FGF10: variants seen among roughly 807,000 people sequenced by gnomAD.
The protein encoded by FGF10 is FGF-10.
In FGF10, 2 loss-of-function variants were observed where a neutral mutation model predicts 19.8. The ratio of observed to expected loss-of-function variants is 0.10; its 90% confidence interval spans 0.04 to 0.32. FGF10 has a LOEUF of 0.32. Ranked by LOEUF, FGF10 falls within the 10% of genes least tolerant of loss-of-function variation. The pLI is 1.00. For missense variants in FGF10, 191 were observed against 246.3 expected, an observed-to-expected ratio of 0.78 and a Z score of 1.50; for synonymous variants, 112 against 94.0, an observed-to-expected ratio of 1.19 and a Z score of -1.10.
At chr5:44,369,890 A>G (rs1440796613) in intron 1 of FGF10, among the ~76,000 whole-genome samples, 2 of 152,116 alleles carry the variant, frequency 1.3e-5, no homozygotes, top group East Asian at 1.9e-4. Flanking sequence ...AATTTTTCAG[A>G]TTATCTCAAG....
chr5:44,362,211 T>C (rs1352087210), intron 1 of FGF10, among the ~76,000 whole-genome samples: 2 of 151,698 alleles, frequency 1.3e-5, no homozygotes, highest in Admixed American at 6.6e-5. Context: ...CATCATCTGC[T>C]CCATGATGTG....
intron 1 of FGF10, among the ~76,000 whole-genome samples, chr5:44,318,226 G>A (rs1253514001): frequency 6.6e-6 from 1 of 152,138 alleles, no homozygotes; most frequent in Non-Finnish European, 1.5e-5. Context: ...AAGCCTGAAC[G>A]ATTACGTTAG....
At chr5:44,351,976 T>C (rs538563597) in intron 1 of FGF10, among the ~76,000 whole-genome samples, 2 of 151,638 alleles carry the variant, frequency 1.3e-5, no homozygotes, top group African/African-American at 4.8e-5. Flanking sequence ...CTAATTTTAA[T>C]ACTACTAACT....
chr5:44,305,724 AG>A (rs931175610), intron 2 of FGF10, among the ~76,000 whole-genome samples: 2 of 152,092 alleles, frequency 1.3e-5, no homozygotes, highest in Admixed American at 6.6e-5. Context: ...CATAACCAAA[AG>A]GGGGGGATGT....
intron 1 of FGF10, among the ~76,000 whole-genome samples, chr5:44,324,027 A>G (rs993812635): frequency 6.6e-6 from 1 of 152,126 alleles, no homozygotes; most frequent in African/African-American, 2.4e-5. Flanking sequence ...ATCTACACAC[A>G]AACAAGTGTT....
chr5:44,328,223 T>C (rs13185276), intron 1 of FGF10, among the ~76,000 whole-genome samples: 85,794 of 152,028 alleles, frequency 0.56, 25,459 homozygotes, highest in Non-Finnish European at 0.67. Flanking sequence ...AACAACGTAA[T>C]CGCATTGGAA....
At chr5:44,350,702 T>A (rs925099764) in intron 1 of FGF10, among the ~76,000 whole-genome samples, 5 of 151,118 alleles carry the variant, frequency 3.3e-5, no homozygotes, top group Admixed American at 1.3e-4. Context: ...CAAATTTTTT[T>A]AAATAAAAAT....
chr5:44,312,482 G>A (rs562664415), intron 1 of FGF10, among the ~76,000 whole-genome samples: 4 of 152,020 alleles, frequency 2.6e-5, no homozygotes, highest in Non-Finnish European at 2.9e-5. Flanking sequence ...TTCCTACAAG[G>A]GAACCCTGTT....
At chr5:44,356,567 G>T (rs954276998) in intron 1 of FGF10, among the ~76,000 whole-genome samples, 9 of 151,346 alleles carry the variant, frequency 5.9e-5, no homozygotes, top group African/African-American at 1.9e-4. Flanking sequence ...AATGGAGTTT[G>T]TGTCTGTTCC....
At chr5:44,347,905 C>G (rs1741124001) in intron 1 of FGF10, among the ~76,000 whole-genome samples, 1 of 151,486 alleles carries the variant, frequency 6.6e-6, no homozygotes, top group African/African-American at 2.4e-5. Context: ...TTTTTAGTGT[C>G]TATAATATGA....
intron 1 of FGF10, among the ~76,000 whole-genome samples, chr5:44,355,263 T>C (rs1405973070): frequency 2.0e-5 from 3 of 151,290 alleles, no homozygotes; most frequent in Non-Finnish European, 1.5e-5. Context: ...CTGATGTATG[T>C]GGCTTCAAAC....
chr5:44,305,126 A>G lies in FGF10; in HGVS notation c.496T>C (p.Ser166Pro). Residue 166 changes from serine to proline, a missense_variant, in exon 3 of 3, where the codon TCA (serine) becomes CCA (proline). By Grantham distance (74) the Ser-to-Pro change is moderately conservative. Around this residue, in one of 2 missense-constraint regions of FGF10, gnomAD observed 99 missense variants for 161.7 expected, o/e 0.61. Coordinates refer to ENST00000264664, the MANE Select transcript of FGF10 (RefSeq NM_004465.2). The stretch of plus-strand genomic sequence containing the variant: ...CTCCCATTATGCTGCCAGTTAAATG[A>G]TGCATAGGTATTGTATCCATTTTCC... ...IEENGYNTYA[S>P]FNWQHNGRQM... 2 of 1,613,898 alleles carry G rather than the reference A, an allele frequency of 1.2e-6. No homozygotes were observed. The highest frequency in any genetic ancestry group is 1.7e-6 in the Non-Finnish European group (2 of 1,179,844).
intron 1 of FGF10, among the ~76,000 whole-genome samples, chr5:44,355,753 G>A (rs1741332185): frequency 6.6e-6 from 1 of 151,408 alleles, no homozygotes; most frequent in African/African-American, 2.4e-5. Context: ...GCAGGAATAT[G>A]CTGAGAACAG....
chr5:44,377,523 T>A (rs1322344559), intron 1 of FGF10, among the ~76,000 whole-genome samples: 1 of 152,264 alleles, frequency 6.6e-6, no homozygotes, highest in Non-Finnish European at 1.5e-5. Context: ...TATTCTATAG[T>A]CATCAAATCT....
At chr5:44,378,427 C>G (rs1204853331) in intron 1 of FGF10, among the ~76,000 whole-genome samples, 1 of 152,110 alleles carries the variant, frequency 6.6e-6, no homozygotes, top group Non-Finnish European at 1.5e-5. Flanking sequence ...AATTCCAAAT[C>G]AAATTTCAGG....
At position 44,300,749 on chromosome 5, in the gene FGF10, G is replaced by A. The variant is rs1739951341; in HGVS notation, c.*4246C>T. Reference sequence around the variant, plus strand: ...GGTGTACTCTTCTTCACTAGTTGCGGTTGTGTGGGCTGCCAAAATCTTCAC... The same window carrying A: ...GGTGTACTCTTCTTCACTAGTTGCGATTGTGTGGGCTGCCAAAATCTTCAC... On this transcript the variant is annotated 3_prime_UTR_variant, in exon 3 of 3. Coordinates refer to ENST00000264664, the MANE Select transcript of FGF10 (RefSeq NM_004465.2). Among the ~76,000 whole-genome samples, 2 of 151,920 alleles carry A rather than the reference G, an allele frequency of 1.3e-5. No homozygotes were observed. Among genetic ancestry groups the A allele is most frequent in the African/African-American group, 2.4e-5 (1 of 41,370 alleles).
chr5:44,336,392 A>T (rs1740852473), intron 1 of FGF10, among the ~76,000 whole-genome samples: 1 of 152,178 alleles, frequency 6.6e-6, no homozygotes, highest in Non-Finnish European at 1.5e-5. Context: ...ATTTCATAAT[A>T]TTCAGAGATA....
intron 2 of FGF10, 128 bp from the exon 3 acceptor site, chr5:44,305,320 C>T: frequency 1.3e-6 from 1 of 763,140 alleles, no homozygotes; most frequent in Non-Finnish European, 2.3e-6. Context: ...AAGTTGTGCA[C>T]TTAATACATA....
At chr5:44,327,888 C>T (rs1014627651) in intron 1 of FGF10, among the ~76,000 whole-genome samples, 1 of 152,190 alleles carries the variant, frequency 6.6e-6, no homozygotes, top group African/African-American at 2.4e-5. Context: ...CAGCTGCTAA[C>T]AATTGCATTT....
Sources: allele counts gnomAD v4.1 joint callset (sites outside exome capture counted in the v4.1 genomes callset), GRCh38; gene constraint gnomAD v4.1.1; regional missense constraint gnomAD v4.1.1; transcripts MANE v1.5; gene names NCBI Gene and HGNC (gene_info 2026-07-23, HGNC 2026-07-21).